Variants in FHIT observed in about 807,000 individuals in gnomAD.
FHIT encodes bis(5'-adenosyl)-triphosphatase.
A neutral mutation model predicts 17.9 loss-of-function variants in FHIT; 19 were observed. The ratio of observed to expected loss-of-function variants is 1.06; its 90% CI spans 0.74 to 1.56. The LOEUF is 1.56. Among genes scored for constraint, FHIT ranks in the 40% most tolerant of loss-of-function variants. The pLI is 0.00. For missense variants in FHIT, 248 were observed against 189.2 expected (o/e 1.31, Z -1.82); for synonymous variants, 81 against 69.7 (o/e 1.16, Z -0.81).
intron 4 of FHIT, among the ~76,000 whole-genome samples, chr3:60,574,841 C>G (rs1391942840): frequency 6.6e-6 from 1 of 151,880 alleles, no homozygotes; most frequent in Non-Finnish European, 1.5e-5. Context: ...TCCCAGACTT[C>G]CCTCCTCCTT....
At chr3:60,746,212 A>G (rs1553715320) in intron 4 of FHIT, among the ~76,000 whole-genome samples, 1 of 152,218 alleles carries the variant, frequency 6.6e-6, no homozygotes, top group African/African-American at 2.4e-5. Flanking sequence ...GAGAGTAAGC[A>G]GCAAAAGACA....
At chr3:60,039,035 G>A (rs577635741) in intron 5 of FHIT, among the ~76,000 whole-genome samples, 41 of 152,228 alleles carry the variant, frequency 2.7e-4, no homozygotes, top group African/African-American at 8.7e-4. Flanking sequence ...CAGTCATACC[G>A]TGGCTGAGAC....
chr3:60,896,857 A>G (rs76199834), intron 3 of FHIT, among the ~76,000 whole-genome samples: 4,731 of 152,246 alleles, frequency 0.031, 241 homozygotes, highest in African/African-American at 0.11. Flanking sequence ...ACTCAAAACT[A>G]TATAAAAAGG....
At chr3:59,996,059 A>C (rs927266571) in intron 7 of FHIT, among the ~76,000 whole-genome samples, 6 of 152,056 alleles carry the variant, frequency 3.9e-5, no homozygotes, top group Non-Finnish European at 2.9e-5. Flanking sequence ...CAGAAATTGA[A>C]GTGGGCATGT....
chr3:60,072,908 T>C (rs1171535857), intron 5 of FHIT, among the ~76,000 whole-genome samples: 1 of 152,218 alleles, frequency 6.6e-6, no homozygotes, highest in Non-Finnish European at 1.5e-5. Flanking sequence ...TCTCCTTCTC[T>C]GGACCCCACA....
At chr3:59,800,895 G>A (rs769380242) in intron 8 of FHIT, among the ~76,000 whole-genome samples, 3 of 152,158 alleles carry the variant, frequency 2.0e-5, no homozygotes, top group Admixed American at 6.5e-5. Context: ...GCCACATTTC[G>A]TGATCTCCTC....
At chr3:61,242,381 A>G (rs749794834) in intron 1 of FHIT, among the ~76,000 whole-genome samples, 69 of 152,134 alleles carry the variant, frequency 4.5e-4, no homozygotes, top group Non-Finnish European at 9.3e-4. Flanking sequence ...CTATAAATAA[A>G]GGTTTTCCCC....
At chr3:60,505,878 T>C (rs2034708499) in intron 5 of FHIT, among the ~76,000 whole-genome samples, 2 of 152,212 alleles carry the variant, frequency 1.3e-5, no homozygotes, top group Admixed American at 6.5e-5. Context: ...ATTCTTCTAA[T>C]GTTAATAAGC....
At chr3:60,954,358 C>T (rs1056884969) in intron 3 of FHIT, among the ~76,000 whole-genome samples, 7 of 152,146 alleles carry the variant, frequency 4.6e-5, no homozygotes, top group African/African-American at 1.7e-4. Context: ...ACGACCATTT[C>T]CTGACCAAAC....
At chr3:60,249,566 C>T (rs376882273) in intron 5 of FHIT, among the ~76,000 whole-genome samples, 3 of 151,902 alleles carry the variant, frequency 2.0e-5, no homozygotes, top group Admixed American at 6.6e-5. Flanking sequence ...TCAGAAGAGC[C>T]TTTCCATTTT....
intron 8 of FHIT, among the ~76,000 whole-genome samples, chr3:59,867,615 G>C (rs1374381897): frequency 6.6e-6 from 1 of 151,770 alleles, no homozygotes; most frequent in South Asian, 2.1e-4. Context: ...TTGTGTGATT[G>C]CCTTAATCCT....
intron 8 of FHIT, among the ~76,000 whole-genome samples, chr3:59,765,899 C>T (rs367599764): frequency 1.3e-5 from 2 of 152,066 alleles, no homozygotes; most frequent in African/African-American, 4.8e-5. Flanking sequence ...TCAAGCAAAA[C>T]AAATGTTTGA....
At position 59,752,224 on chromosome 3, in the gene FHIT, T is replaced by C. The variant is rs114750928; in HGVS notation, c.*2A>G. 1.9e-3 allele frequency: 2,985 copies of C among 1,610,646 alleles called. 27 individuals are homozygous for C. The African/African-American group carries it at 0.027, about 15-fold the overall frequency. On this transcript the variant is annotated 3_prime_UTR_variant, in exon 9 of 10. Coordinates refer to ENST00000492590, the MANE Select transcript of FHIT (RefSeq NM_002012.4). ...AATGACGAAATGCAGTCTTTACCTG[T>C]GTCACTGAAAGTAGACCCGCAGAGC...
At chr3:60,598,218 G>C (rs1461524130) in intron 4 of FHIT, among the ~76,000 whole-genome samples, 10 of 152,068 alleles carry the variant, frequency 6.6e-5, no homozygotes, top group African/African-American at 2.4e-4. Context: ...GCATTTTCCA[G>C]ATTAATGGAT....
At chr3:60,687,081 T>C (rs2040876837) in intron 4 of FHIT, among the ~76,000 whole-genome samples, 2 of 152,334 alleles carry the variant, frequency 1.3e-5, no homozygotes, top group Non-Finnish European at 2.9e-5. Context: ...GAAAGTAATA[T>C]TTACAATGTT....
intron 4 of FHIT, among the ~76,000 whole-genome samples, chr3:60,751,874 C>T (rs1305511080): frequency 2.0e-5 from 3 of 151,984 alleles, no homozygotes; most frequent in East Asian, 3.9e-4. Flanking sequence ...TCTAAATGCC[C>T]ATCAAAAGGG....
At position 60,101,485 on chromosome 3, in the gene FHIT, C is replaced by A. The variant is rs548051403; in HGVS notation, c.104-87333G>T. The stretch of plus-strand genomic sequence containing the variant: ...AGAAAGTCCTCTCTACCTATGCTTT[C>A]TACAAAGGTCTCTGCCTTCCCTCAC... On this transcript the variant is annotated intron_variant, in intron 5 of 9. Transcript: ENST00000492590. 2.0e-5 allele frequency among the ~76,000 whole-genome samples: 3 copies of A among 152,314 alleles called. No individual in the cohort carries two copies. In the South Asian group the frequency reaches 6.2e-4, roughly 32 times the overall value.
chr3:60,320,334 TAAG>T (rs148862829), intron 5 of FHIT, among the ~76,000 whole-genome samples: 270 of 152,094 alleles, frequency 1.8e-3, no homozygotes, highest in African/African-American at 6.1e-3. Flanking sequence ...AGGTGGTGGT[TAAG>T]AAAATATTTT....
intron 4 of FHIT, among the ~76,000 whole-genome samples, chr3:60,541,735 G>C (rs1419016575): frequency 6.6e-6 from 1 of 152,168 alleles, no homozygotes; most frequent in Non-Finnish European, 1.5e-5. Flanking sequence ...CTTGATGTGA[G>C]AGCCAATACT....
Sources: gnomAD v4.1 joint callset for allele counts (sites outside exome capture counted in the v4.1 genomes callset) on GRCh38, gnomAD v4.1.1 for gene constraint, MANE v1.5 for transcripts, NCBI Gene and HGNC (gene_info 2026-07-23, HGNC 2026-07-21) for gene names.